Variants in COP1 observed in about 807,000 individuals in gnomAD.
COP1 encodes the protein COP1 E3 ubiquitin ligase, also known as E3 ubiquitin-protein ligase COP1.
In COP1, 24 loss-of-function variants were observed where a neutral mutation model predicts 101.3. The ratio of observed to expected loss-of-function variants is 0.24; its 90% CI spans 0.17 to 0.33. The LOEUF (loss-of-function observed/expected upper bound fraction) is 0.33, where lower values mean the gene tolerates loss of function less well. COP1 is among the 10% of genes least tolerant of loss of function. COP1 has a pLI of 1.00. For missense variants in COP1, 663 were observed against 906.2 expected, an observed-to-expected ratio of 0.73 and a Z score of 3.45; for synonymous variants, 347 against 341.9, an observed-to-expected ratio of 1.01 and a Z score of -0.17.
chr1:176,064,697 A>G (rs1376623991), intron 11 of COP1, among the ~76,000 whole-genome samples: 5 of 152,016 alleles, frequency 3.3e-5, no homozygotes, highest in African/African-American at 4.8e-5. Context: ...TCTGTCGCCC[A>G]GGCTGGGGTT....
At chr1:175,961,323 A>G (rs1313778221) in intron 18 of COP1, among the ~76,000 whole-genome samples, 1 of 152,224 alleles carries the variant, frequency 6.6e-6, no homozygotes, top group Non-Finnish European at 1.5e-5. Context: ...CACAGAGAGA[A>G]TAACTTTCAA....
At chr1:175,950,080 C>A (rs1649679250) in intron 18 of COP1, among the ~76,000 whole-genome samples, 1 of 151,978 alleles carries the variant, frequency 6.6e-6, no homozygotes, top group Non-Finnish European at 1.5e-5. Context: ...TGATAACTAT[C>A]CAACATGAAT....
Position 176,167,869 on chromosome 1 carries a change from C to G in COP1, c.566-3978G>C, listed in dbSNP as rs1166652906. 2.6e-5 allele frequency among the ~76,000 whole-genome samples: 4 copies of G among 152,212 alleles called. No individual in the cohort carries two copies. The East Asian group carries it at 7.7e-4, about 29-fold the overall frequency. ...TGAGGATGATAAAATCAGTACCCAT[C>G]TCACAAGCCTGCCATAAGGATTGAC... On this transcript the variant is annotated intron_variant, in intron 3 of 19. Coordinates refer to ENST00000367669, the MANE Select transcript of COP1 (RefSeq NM_022457.7).
intron 9 of COP1, among the ~76,000 whole-genome samples, chr1:176,090,762 T>C (rs1219149380): frequency 1.3e-5 from 2 of 152,124 alleles, no homozygotes; most frequent in East Asian, 1.9e-4. Context: ...ATAAAAGGCA[T>C]AAAAGAATAA....
intron 15 of COP1, among the ~76,000 whole-genome samples, chr1:175,998,802 G>C (rs1393418321): frequency 6.6e-6 from 1 of 151,944 alleles, no homozygotes; most frequent in Admixed American, 6.6e-5. Context: ...GGTAATCCTA[G>C]GTAGGATAAG....
chr1:176,192,462 T>A (rs927004718), intron 1 of COP1, among the ~76,000 whole-genome samples: 1 of 152,162 alleles, frequency 6.6e-6, no homozygotes, highest in African/African-American at 2.4e-5. Context: ...ACTACCCGCT[T>A]ACAATATACA....
At chr1:176,179,316 G>A (rs1697416692) in intron 2 of COP1, among the ~76,000 whole-genome samples, 1 of 151,654 alleles carries the variant, frequency 6.6e-6, no homozygotes, top group East Asian at 2.0e-4. Flanking sequence ...ACATAATAAA[G>A]ATAAGAGATG....
rs141751545 is a variant in COP1, at chr1:176,199,930, T to C, written c.407+6642A>G. The stretch of plus-strand genomic sequence containing the variant: ...TTATTTTATGCAAATTATAACTTAG[T>C]AAAGCTAATTTTAAACAAAATCAGC... On this transcript the variant is annotated intron_variant, in intron 1 of 19. Coordinates refer to ENST00000367669, the MANE Select transcript of COP1 (RefSeq NM_022457.7). 4.1e-4 allele frequency among the ~76,000 whole-genome samples: 63 copies of C among 152,344 alleles called. No individual in the cohort carries two copies. The Middle Eastern group carries it at 0.01, about 25-fold the overall frequency.
chr1:176,045,831 G>A (rs750049974), intron 12 of COP1, among the ~76,000 whole-genome samples: 11 of 151,788 alleles, frequency 7.2e-5, no homozygotes, highest in Non-Finnish European at 1.2e-4. Context: ...GCAGGCTAGG[G>A]GAAAAATTCC....
intron 15 of COP1, among the ~76,000 whole-genome samples, chr1:175,999,175 G>A (rs1322682770): frequency 6.6e-6 from 1 of 151,956 alleles, no homozygotes; most frequent in Non-Finnish European, 1.5e-5. Context: ...TAGTCACCTC[G>A]TTATGCTACC....
intron 18 of COP1, among the ~76,000 whole-genome samples, chr1:175,962,375 A>C (rs1651481465): frequency 6.6e-6 from 1 of 152,164 alleles, no homozygotes; most frequent in Non-Finnish European, 1.5e-5. Context: ...CACAAACCTC[A>C]CTAACTAGCC....
intron 15 of COP1, among the ~76,000 whole-genome samples, chr1:176,008,333 C>A (rs570020904): frequency 6.6e-6 from 1 of 152,120 alleles, no homozygotes; most frequent in African/African-American, 2.4e-5. Context: ...AGCTGTAGAC[C>A]GGAGCTGTTC....
chr1:176,113,948 T>G (rs1488501174), intron 9 of COP1, among the ~76,000 whole-genome samples: 2 of 151,028 alleles, frequency 1.3e-5, no homozygotes, highest in African/African-American at 4.9e-5. Context: ...GGGTAGGGTT[T>G]TTTTTTTTTT....
intron 14 of COP1, among the ~76,000 whole-genome samples, chr1:176,040,273 C>T (rs1421687530): frequency 1.3e-5 from 2 of 151,786 alleles, no homozygotes; most frequent in Non-Finnish European, 2.9e-5. Flanking sequence ...CACCTCCCTT[C>T]CTCTCTCTCT....
chr1:175,953,275 T>C (rs141713739), intron 18 of COP1, among the ~76,000 whole-genome samples: 17 of 145,706 alleles, frequency 1.2e-4, no homozygotes, highest in Non-Finnish European at 2.0e-4. Context: ...GGAGAAAAAA[T>C]ATTATAAAAA....
At chr1:175,990,560 T>C (rs1045048063) in intron 15 of COP1, among the ~76,000 whole-genome samples, 3 of 152,164 alleles carry the variant, frequency 2.0e-5, no homozygotes, top group Non-Finnish European at 4.4e-5. Flanking sequence ...AGTTTTTCTA[T>C]GAAATATCAA....
At chr1:175,959,507 T>G (rs935690045) in intron 18 of COP1, among the ~76,000 whole-genome samples, 1 of 152,112 alleles carries the variant, frequency 6.6e-6, no homozygotes, top group African/African-American at 2.4e-5. Flanking sequence ...AAGCAGACAC[T>G]AAACTTTAAT....
intron 1 of COP1, among the ~76,000 whole-genome samples, chr1:176,194,408 G>C (rs1328136339): frequency 1.3e-5 from 2 of 152,166 alleles, no homozygotes; most frequent in Non-Finnish European, 2.9e-5. Flanking sequence ...GGGAGGCCGA[G>C]GCAGGCGGAT....
intron 9 of COP1, among the ~76,000 whole-genome samples, chr1:176,094,337 G>A (rs1681930148): frequency 6.6e-6 from 1 of 151,562 alleles, no homozygotes; most frequent in Admixed American, 6.6e-5. Flanking sequence ...CAACACTTGG[G>A]TCATCATCAT....
Sources: allele counts gnomAD v4.1 joint callset (sites outside exome capture counted in the v4.1 genomes callset), GRCh38; gene constraint gnomAD v4.1.1; transcripts MANE v1.5; gene names NCBI Gene and HGNC (gene_info 2026-07-23, HGNC 2026-07-21).